MTERF4: variants seen among roughly 807,000 people sequenced by gnomAD.
MTERF4 encodes transcription termination factor 4, mitochondrial.
MTERF4 carries 17 observed loss-of-function variants against 22.5 expected under a neutral mutation model. The ratio of observed to expected loss-of-function variants is 0.75; its 90% CI spans 0.52 to 1.13. MTERF4 has a LOEUF of 1.13. MTERF4 is among the 50% of genes most tolerant of loss of function. The pLI is 0.00. For synonymous variants in MTERF4, 165 were observed against 175.3 expected, an observed-to-expected ratio of 0.94 and a Z score of 0.47; for missense variants, 420 against 466.8, an observed-to-expected ratio of 0.90 and a Z score of 0.92.
the MTERF4 span, chr2:241,048,357 A>G: frequency 3.1e-6 from 5 of 1,611,584 alleles, no homozygotes; most frequent in South Asian, 2.2e-5. Flanking sequence ...GCCCCTTGCC[A>G]CAATGGGGGC....
chr2:241,057,419 C>T, the MTERF4 span, among the ~76,000 whole-genome samples: 6 of 122,616 alleles, frequency 4.9e-5, no homozygotes, highest in African/African-American at 1.9e-4. Context: ...ATATGCCATA[C>T]GCAGTGGCTC....
At chr2:241,063,847 T>C in the MTERF4 span, 24 of 639,954 alleles carry the variant, frequency 3.8e-5, 2 homozygotes, top group South Asian at 4.5e-4. Context: ...GAGGGAGGGG[T>C]GGAGGTGAGG....
chr2:241,090,972 A>C (rs999545530), downstream of MTERF4, among the ~76,000 whole-genome samples: 4 of 152,190 alleles, frequency 2.6e-5, no homozygotes, highest in African/African-American at 9.7e-5. Context: ...TTCATCGTGC[A>C]GTGCCTAACT....
intron 1 of MTERF4, among the ~76,000 whole-genome samples, chr2:241,101,966 T>C (rs2064729069): frequency 1.3e-5 from 2 of 152,026 alleles, no homozygotes; most frequent in Admixed American, 6.6e-5. Flanking sequence ...AGCAGTAGAA[T>C]TGCTTGAACC....
the MTERF4 span, among the ~76,000 whole-genome samples, chr2:241,058,005 C>T: frequency 2.0e-5 from 3 of 152,164 alleles, no homozygotes; most frequent in East Asian, 3.8e-4. Flanking sequence ...AATGGACTAA[C>T]TCTCCAGGTG....
At chr2:241,053,003 G>A in the MTERF4 span, 1 of 706,890 alleles carries the variant, frequency 1.4e-6, no homozygotes, top group Non-Finnish European at 2.3e-6. Flanking sequence ...CGGCAACCAG[G>A]CCCCAGAAGT....
downstream of MTERF4, chr2:241,069,106 T>C: frequency 5.5e-6 from 5 of 902,284 alleles, no homozygotes; most frequent in Non-Finnish European, 8.3e-6. This position sits in a 1 kb window ranked among gnomAD's most constrained non-coding sequence, Gnocchi z 4.9. Flanking sequence ...CCTAGTCCTC[T>C]CCAAAGCGTC....
the MTERF4 span, chr2:241,048,526 C>G: frequency 6.6e-7 from 1 of 1,511,152 alleles, no homozygotes; most frequent in Non-Finnish European, 8.9e-7. Context: ...GCAGGAAACG[C>G]CCCGAAAAGA....
the MTERF4 span, chr2:241,048,377 G>A: frequency 6.2e-7 from 1 of 1,612,092 alleles, no homozygotes; most frequent in Non-Finnish European, 8.5e-7. Context: ...CACCTGTGTG[G>A]ATGCGGACCA....
At chr2:241,047,487 A>G in the MTERF4 span, among the ~76,000 whole-genome samples, 1 of 152,334 alleles carries the variant, frequency 6.6e-6, no homozygotes. Context: ...GGCTTGGCCT[A>G]CTTGGCATTT....
downstream of MTERF4, chr2:241,069,083 C>A: frequency 8.4e-7 from 1 of 1,190,870 alleles, no homozygotes; most frequent in Admixed American, 2.2e-5. The surrounding 1 kb of genome is among the most constrained non-coding windows in gnomAD (Gnocchi z 4.9). Context: ...GCTCTGGCTT[C>A]CTTCCAGCCT....
the MTERF4 span, among the ~76,000 whole-genome samples, chr2:241,060,374 G>T: frequency 6.6e-6 from 1 of 152,026 alleles, no homozygotes; most frequent in Non-Finnish European, 1.5e-5. Context: ...ATAGAGACGG[G>T]GTTTCACCAT....
At chr2:241,101,233 G>A (rs1006368858) in intron 1 of MTERF4, 5 of 463,884 alleles carry the variant, frequency 1.1e-5, no homozygotes, top group African/African-American at 2.0e-5. Context: ...TGGGGTTGAT[G>A]GGAAACAGTG....
downstream of MTERF4, among the ~76,000 whole-genome samples, chr2:241,089,551 T>C (rs931291851): frequency 2.7e-5 from 4 of 148,530 alleles, no homozygotes; most frequent in Admixed American, 6.6e-5. Flanking sequence ...ACAGAGTGCA[T>C]GCATCTGCCT....
downstream of MTERF4, among the ~76,000 whole-genome samples, chr2:241,082,646 C>T (rs1242154753): frequency 6.6e-6 from 1 of 152,216 alleles, no homozygotes; most frequent in African/African-American, 2.4e-5. Context: ...CACATCAGCC[C>T]AGTCCCCACT....
intron 4 of MTERF4, among the ~76,000 whole-genome samples, chr2:241,076,537 A>G (rs1307123414): frequency 6.6e-6 from 1 of 152,206 alleles, no homozygotes; most frequent in Non-Finnish European, 1.5e-5. Context: ...TTTTCTATAT[A>G]TATATAAAAT....
the MTERF4 span, chr2:241,049,019 T>A: frequency 1.9e-6 from 3 of 1,609,616 alleles, no homozygotes; most frequent in Non-Finnish European, 2.5e-6. Context: ...CCTTTCTCTC[T>A]AGAAATCACA....
In MTERF4 at chr2:241,073,776, G is replaced by A. The variant is rs965199426; in HGVS notation, n.2386C>T. The A allele has an allele frequency of 2.1e-5, 7 of 335,032 alleles. No individual in the cohort carries two copies. The highest frequency in any genetic ancestry group is 1.2e-4 in the African/African-American group (6 of 48,108). The allele number at this position is 335,032 out of a possible 1,614,324, so 20.8% of individuals were successfully genotyped here. On this transcript the variant is annotated non_coding_transcript_exon_variant, in exon 5 of 5. Coordinates refer to the MTERF4 transcript ENST00000464344. The surrounding 1 kb of genome is among the most constrained non-coding windows in gnomAD (Gnocchi z 6.6). ...GAAGCAGAGGGAGCAGCCACTGGGCGAGCCCCAGCTTGAGGACTAGCTGGG... is the reference window on the plus strand; with the variant it reads ...GAAGCAGAGGGAGCAGCCACTGGGCAAGCCCCAGCTTGAGGACTAGCTGGG...
downstream of MTERF4, chr2:241,094,886 A>C (rs557820315): frequency 1.3e-5 from 2 of 158,288 alleles, no homozygotes; most frequent in African/African-American, 4.8e-5. The surrounding 1 kb of genome is among the most constrained non-coding windows in gnomAD (Gnocchi z 4.3). Context: ...CCCCTAAAAG[A>C]GGGCTAACTG....
Sources: gnomAD v4.1 joint callset for allele counts (sites outside exome capture counted in the v4.1 genomes callset) on GRCh38, gnomAD v4.1.1 for gene constraint, Gnocchi (gnomAD v3.1) non-coding constraint, MANE v1.5 for transcripts, NCBI Gene and HGNC (gene_info 2026-07-23, HGNC 2026-07-21) for gene names.